AKAP8: variants seen among roughly 807,000 people sequenced by gnomAD.
The protein encoded by AKAP8 is A-kinase anchor protein 8.
AKAP8 carries 24 observed loss-of-function variants against 67.5 expected under a neutral mutation model. That is an observed-to-expected ratio of 0.36 (90% CI 0.26 to 0.50). The LOEUF (loss-of-function observed/expected upper bound fraction) is 0.50, where lower values mean the gene tolerates loss of function less well. Ranked by LOEUF, AKAP8 falls within the 20% of genes least tolerant of loss-of-function variation. The probability of loss-of-function intolerance (pLI) is 0.97; values close to 1 mark genes in which losing one functional copy is unlikely to be tolerated. For synonymous variants in AKAP8, 400 were observed against 371.1 expected, an observed-to-expected ratio of 1.08 and a Z score of -0.90; for missense variants, 971 against 955.9, an observed-to-expected ratio of 1.02 and a Z score of -0.21.
At chr19:15,366,861 G>A (rs1169884643) in intron 9 of AKAP8, among the ~76,000 whole-genome samples, 1 of 151,976 alleles carries the variant, frequency 6.6e-6, no homozygotes, top group Non-Finnish European at 1.5e-5. Context: ...CGCCTGCCTT[G>A]GCCTCCCAAA....
At chr19:15,377,625 C>T (rs961492356) in intron 1 of AKAP8, among the ~76,000 whole-genome samples, 2 of 152,194 alleles carry the variant, frequency 1.3e-5, no homozygotes, top group African/African-American at 2.4e-5. Flanking sequence ...CCTGCCACCA[C>T]GCCCGCCTAA....
At chr19:15,379,328 G>A in intron 1 of AKAP8, 2 of 232,844 alleles carry the variant, frequency 8.6e-6, no homozygotes, top group South Asian at 1.2e-4. Context: ...CCCTAGCGCC[G>A]CCATTTTGTG....
rs1376477186 is a variant in AKAP8, at chr19:15,353,950, C to T, written c.*965G>A. ...ATTTTATATATATATATATATATTA[C>T]AGATACCTTCTATCTATGGCAATTT... On this transcript the variant is annotated 3_prime_UTR_variant, in exon 14 of 14. Transcript: ENST00000269701. 6.6e-6 allele frequency: 1 copy of T among 150,626 alleles called. No homozygotes were observed. The highest frequency in any genetic ancestry group is 1.9e-4 in the East Asian group (1 of 5,162). The allele number at this position is 150,626 out of a possible 1,614,324, so 9.3% of individuals were successfully genotyped here. A position where few individuals can be genotyped will look rare whatever the true frequency, so the allele number is the denominator to read the frequency against.
intron 1 of AKAP8, among the ~76,000 whole-genome samples, chr19:15,377,721 G>A (rs1351147560): frequency 6.6e-6 from 1 of 152,046 alleles, no homozygotes; most frequent in East Asian, 1.9e-4. Flanking sequence ...GCCAGCCTCG[G>A]CCTCCCAAAG....
Position 15,377,017 on chromosome 19 carries a change from G to A in AKAP8, c.20-3C>T. 1 of 1,612,960 alleles carries A rather than the reference G, an allele frequency of 6.2e-7. No individual in the cohort carries two copies. The highest frequency in any genetic ancestry group is 8.5e-7 in the Non-Finnish European group (1 of 1,179,578). On this transcript the variant is annotated splice_polypyrimidine_tract_variant and splice_region_variant and intron_variant, in intron 1 of 13. Coordinates refer to ENST00000269701, the MANE Select transcript of AKAP8 (RefSeq NM_005858.4). ...TCCAGCACTCCACGCCCCGTAGCCT[G>A]CAAGAAGACCCCGTGAGTTAAAATT...
At chr19:15,357,428 CAAAAAAAAAAAAAAAAAAA>C (rs59205660) in intron 13 of AKAP8, among the ~76,000 whole-genome samples, 1 of 40,704 alleles carries the variant, frequency 2.5e-5, no homozygotes, top group South Asian at 1.5e-3. Context: ...GACTCCATCT[CAAAAAAAAAAAAAAAAAAA>C]AAAAAAAAAA....
intron 5 of AKAP8, 152 bp downstream of exon 5, chr19:15,372,699 T>A: frequency 8.6e-7 from 1 of 1,165,106 alleles, no homozygotes; most frequent in Non-Finnish European, 1.1e-6. Flanking sequence ...ACTGTGATGG[T>A]GGGGATGGTT....
At position 15,373,333 on chromosome 19, in the gene AKAP8, G is replaced by T. The variant is rs199596712; in HGVS notation, c.379C>A (p.Arg127Ser). The T allele has an allele frequency of 1.2e-6, 2 of 1,605,192 alleles. No individual in the cohort carries two copies. Among genetic ancestry groups the T allele is most frequent in the South Asian group, 2.2e-5 (2 of 89,914 alleles). ...EGIQDRESSF[R>S]FQPFESYDSR... ...TCATAGGACTCGAACGGCTGGAAGC[G>T]GAAGGAGCTGCAACAGAAGCACAGC... The change falls in exon 5 of 14, where the codon CGC (arginine) becomes AGC (serine). Residue 127 changes from arginine to serine, a missense_variant. Around this residue, in one of 3 missense-constraint regions of AKAP8, gnomAD observed 763 missense variants for 745.4 expected, o/e 1.02. Transcript: ENST00000269701.
intron 10 of AKAP8, 69 bp downstream of exon 10, chr19:15,362,041 C>T (rs1043084674): frequency 1.3e-6 from 2 of 1,580,458 alleles, no homozygotes; most frequent in Non-Finnish European, 1.7e-6. Context: ...ATTTCCCTTC[C>T]TCCTTCAAGG....
chr19:15,356,924 A>T (rs1397700790), intron 13 of AKAP8, among the ~76,000 whole-genome samples: 6 of 152,028 alleles, frequency 3.9e-5, no homozygotes, highest in Admixed American at 2.0e-4. Context: ...AGGTCAGGAG[A>T]TGGAGACCAT....
rs772871548 is a variant in AKAP8, at chr19:15,373,745, G to A, written c.371+41C>T. ...CCACTCCCATGCGCACAAAGGTGGG[G>A]ATGTGTGGGGTCCCGGGGGAGGGCT... On this transcript the variant is annotated intron_variant, in intron 4 of 13. Transcript: ENST00000269701. 15 of 1,571,938 alleles carry A rather than the reference G, an allele frequency of 9.5e-6. No homozygotes were observed. In the South Asian group the frequency reaches 1.5e-4, roughly 16 times the overall value.
At position 15,354,749 on chromosome 19, in the gene AKAP8, G is replaced by T; in HGVS notation, c.*166C>A. On this transcript the variant is annotated 3_prime_UTR_variant, in exon 14 of 14. Transcript: ENST00000269701. The stretch of plus-strand genomic sequence containing the variant: ...GGCAAGAAGCCACACGACTGCATGA[G>T]ACAAGCCGTGAGAGGCACTGCTCAG... 1 of 736,204 alleles carries T rather than the reference G, an allele frequency of 1.4e-6. No individual in the cohort carries two copies. The highest frequency in any genetic ancestry group is 2.2e-6 in the Non-Finnish European group (1 of 458,564). The allele number at this position is 736,204 out of a possible 1,614,324, so 45.6% of individuals were successfully genotyped here. A position where few individuals can be genotyped will look rare whatever the true frequency, so the allele number is the denominator to read the frequency against.
rs545924964 is a variant in AKAP8 at position 15,362,074 on chromosome 19, C to T, written c.1302+36G>A. 1,258 of 1,610,632 alleles carry T rather than the reference C, an allele frequency of 7.8e-4. 18 individuals are homozygous for T. In the South Asian group the frequency reaches 0.013, roughly 17 times the overall value. On this transcript the variant is annotated intron_variant, in intron 10 of 13. Transcript: ENST00000269701. ...AGGGATCCGGCACCTGCGGGATGGGCAAGAGACGCGGTGACGGGGCCCAGG... is the reference window on the plus strand; with the variant it reads ...AGGGATCCGGCACCTGCGGGATGGGTAAGAGACGCGGTGACGGGGCCCAGG...
chr19:15,365,577 C>T (rs1356036712), intron 9 of AKAP8, among the ~76,000 whole-genome samples: 2 of 152,220 alleles, frequency 1.3e-5, no homozygotes, highest in African/African-American at 4.8e-5. Flanking sequence ...AACATGAAGA[C>T]ACCTCCGCTT....
Position 15,372,287 on chromosome 19 carries a change from A to C in AKAP8, c.922T>G (p.Phe308Val). 1 of 1,614,108 alleles carries C rather than the reference A, an allele frequency of 6.2e-7. No homozygotes were observed. Residue 308 changes from phenylalanine to valine, a missense_variant, in exon 6 of 14, where the codon TTC becomes GTC. This residue lies in a region of AKAP8 where 763 missense variants were observed against 745.4 expected (regional missense o/e 1.02). Coordinates refer to ENST00000269701, the MANE Select transcript of AKAP8 (RefSeq NM_005858.4). ...PDGTGRKRKQ[F>V]QLYEEPDTKL... Reference sequence around the variant, plus strand: ...GTGTCTGGCTCCTCGTAAAGTTGGAACTGCTTCCGTTTCCTGCCCGTGCCA... The same window carrying C: ...GTGTCTGGCTCCTCGTAAAGTTGGACCTGCTTCCGTTTCCTGCCCGTGCCA...
chr19:15,373,332 C>G lies in AKAP8; in HGVS notation c.380G>C (p.Arg127Pro). Residue 127 changes from arginine to proline, a missense_variant, in exon 5 of 14, where the codon CGC (arginine) becomes CCC (proline). Arg to Pro is a moderately radical substitution (Grantham distance 103). Around this residue, in one of 3 missense-constraint regions of AKAP8, gnomAD observed 763 missense variants for 745.4 expected, o/e 1.02. Transcript: ENST00000269701. ...GTCATAGGACTCGAACGGCTGGAAG[C>G]GGAAGGAGCTGCAACAGAAGCACAG... ...EGIQDRESSF[R>P]FQPFESYDSR... 1 of 1,605,874 alleles carries G rather than the reference C, an allele frequency of 6.2e-7. No individual in the cohort carries two copies. Among genetic ancestry groups the G allele is most frequent in the Non-Finnish European group, 8.5e-7 (1 of 1,175,888 alleles).
At chr19:15,379,562 G>GGC (rs922508845) in intron 1 of AKAP8, 151 bp downstream of exon 1, 16 of 813,500 alleles carry the variant, frequency 2.0e-5, no homozygotes, top group African/African-American at 9.2e-5. Flanking sequence ...CCCAATGAGC[G>GGC]GCGCGCGCGC....
intron 9 of AKAP8, among the ~76,000 whole-genome samples, chr19:15,366,739 A>G (rs1967077036): frequency 6.6e-6 from 1 of 152,102 alleles, no homozygotes; most frequent in African/African-American, 2.4e-5. Context: ...CCTCCCGAGC[A>G]GCGGGGAATA....
In AKAP8 at chr19:15,354,914, A is replaced by C; in HGVS notation, c.*1T>G. The C allele has an allele frequency of 6.2e-7, 1 of 1,613,132 alleles. No individual in the cohort carries two copies. Among genetic ancestry groups the C allele is most frequent in the Non-Finnish European group, 8.5e-7 (1 of 1,179,282 alleles). The stretch of plus-strand genomic sequence containing the variant: ...CCTTCCCTGGAACAGGGAAATGAGC[A>C]TCATTCTGTGGGAACAGCGTCTTTA... On this transcript the variant is annotated 3_prime_UTR_variant, in exon 14 of 14. Coordinates refer to ENST00000269701, the MANE Select transcript of AKAP8 (RefSeq NM_005858.4).
Sources: gnomAD v4.1 joint callset for allele counts (sites outside exome capture counted in the v4.1 genomes callset) on GRCh38, gnomAD v4.1.1 for gene constraint, gnomAD v4.1.1 regional missense constraint, MANE v1.5 for transcripts, NCBI Gene and HGNC (gene_info 2026-07-23, HGNC 2026-07-21) for gene names.